Variants in PCDH9 observed in about 807,000 individuals in gnomAD.
PCDH9 encodes protocadherin-9.
PCDH9 carries 24 observed loss-of-function variants against 70.6 expected under a neutral mutation model. The observed-to-expected ratio is 0.34, with a 90% confidence interval of 0.25 to 0.48. The LOEUF (loss-of-function observed/expected upper bound fraction) is 0.48, where lower values mean the gene tolerates loss of function less well. Among genes scored for constraint, PCDH9 ranks in the 20% least tolerant of loss-of-function variants. The probability of loss-of-function intolerance (pLI) is 0.99; values close to 1 mark genes in which losing one functional copy is unlikely to be tolerated. For missense variants in PCDH9, 1,281 were observed against 1,503.6 expected (o/e 0.85, Z 2.45); for synonymous variants, 562 against 558.5 (o/e 1.01, Z -0.09).
At chr13:67,028,912 G>A (rs2084847589) in intron 2 of PCDH9, among the ~76,000 whole-genome samples, 3 of 152,082 alleles carry the variant, frequency 2.0e-5, no homozygotes. Flanking sequence ...TGCCAGAGTT[G>A]AATTGCACCA....
At chr13:66,785,611 T>C (rs2080067321) in intron 3 of PCDH9, among the ~76,000 whole-genome samples, 1 of 152,134 alleles carries the variant, frequency 6.6e-6, no homozygotes, top group Non-Finnish European at 1.5e-5. Flanking sequence ...ATTCTATGAG[T>C]AAGTCATAGG....
At chr13:66,778,942 A>C (rs959926888) in intron 3 of PCDH9, among the ~76,000 whole-genome samples, 1 of 152,224 alleles carries the variant, frequency 6.6e-6, no homozygotes, top group African/African-American at 2.4e-5. Context: ...TTTACAACAT[A>C]GGTAAATCAG....
At chr13:67,099,542 T>C (rs2086390273) in intron 2 of PCDH9, among the ~76,000 whole-genome samples, 1 of 152,130 alleles carries the variant, frequency 6.6e-6, no homozygotes, top group African/African-American at 2.4e-5. Context: ...AAGAAATAAC[T>C]TTTCCTAAAT....
chr13:67,129,139 T>C (rs551682386), intron 2 of PCDH9, among the ~76,000 whole-genome samples: 3 of 152,300 alleles, frequency 2.0e-5, no homozygotes, highest in African/African-American at 7.2e-5. Context: ...TTATGCTGAA[T>C]ATGTCTATGA....
At chr13:66,998,115 C>G (rs575739283) in intron 2 of PCDH9, among the ~76,000 whole-genome samples, 1 of 152,176 alleles carries the variant, frequency 6.6e-6, no homozygotes, top group Admixed American at 6.5e-5. Flanking sequence ...ATTGGACACC[C>G]ACTGGGGCCT....
chr13:66,749,338 A>T (rs146322742), intron 3 of PCDH9, among the ~76,000 whole-genome samples: 1 of 152,280 alleles, frequency 6.6e-6, no homozygotes, highest in East Asian at 1.9e-4. Flanking sequence ...ATCAAAATCC[A>T]TCTGCACCCT....
chr13:66,608,549 T>C (rs1324497789), intron 4 of PCDH9, among the ~76,000 whole-genome samples: 4 of 152,048 alleles, frequency 2.6e-5, no homozygotes, highest in African/African-American at 9.7e-5. Context: ...ACAAGTCGCA[T>C]CATTCACTCA....
intron 2 of PCDH9, among the ~76,000 whole-genome samples, chr13:66,999,222 A>C (rs2084187006): frequency 6.6e-6 from 1 of 152,166 alleles, no homozygotes; most frequent in Non-Finnish European, 1.5e-5. Context: ...TTAATATCTA[A>C]ATTCAATTAA....
At chr13:66,787,354 G>T (rs998819403) in intron 3 of PCDH9, among the ~76,000 whole-genome samples, 1 of 152,020 alleles carries the variant, frequency 6.6e-6, no homozygotes, top group African/African-American at 2.4e-5. Context: ...GGTGGCTCAC[G>T]CTTGTAATCA....
chr13:66,419,151 A>G (rs1250985312), intron 4 of PCDH9, among the ~76,000 whole-genome samples: 1 of 152,078 alleles, frequency 6.6e-6, no homozygotes, highest in Admixed American at 6.5e-5. Context: ...ATTGTTTGAA[A>G]CTATTCCAAA....
In PCDH9 at chr13:66,859,633, A is replaced by G. The variant is rs142401744; in HGVS notation, c.3138+43871T>C. Among the ~76,000 whole-genome samples the G allele has an allele frequency of 8.4e-4, 128 of 152,338 alleles. 1 individual carries two copies. The East Asian group carries it at 0.01, about 12-fold the overall frequency. On this transcript the variant is annotated intron_variant, in intron 3 of 4. Coordinates refer to ENST00000377865, the MANE Select transcript of PCDH9 (RefSeq NM_203487.3). ...AATACTGTTTCAGGTAAAGTAATAT[A>G]AAGTAACCAAAGTTAAATGAAGTAA...
At chr13:66,689,842 T>A (rs774033186) in intron 3 of PCDH9, among the ~76,000 whole-genome samples, 1 of 152,172 alleles carries the variant, frequency 6.6e-6, no homozygotes, top group Admixed American at 6.6e-5. Flanking sequence ...AACAGTACTA[T>A]CCACTTGAGA....
chr13:66,749,849 C>T (rs9529131), intron 3 of PCDH9, among the ~76,000 whole-genome samples: 12,093 of 152,178 alleles, frequency 0.079, 499 homozygotes, highest in East Asian at 0.13. Context: ...GACACTGCTC[C>T]ATCCCTTGCA....
intron 4 of PCDH9, among the ~76,000 whole-genome samples, chr13:66,346,403 G>A (rs930235364): frequency 2.0e-5 from 3 of 152,194 alleles, no homozygotes; most frequent in African/African-American, 7.2e-5. Flanking sequence ...GTGTGTGTGT[G>A]TGCACAGGCA....
At chr13:66,848,993 TACAGTA>T (rs1024182148) in intron 3 of PCDH9, among the ~76,000 whole-genome samples, 3 of 147,834 alleles carry the variant, frequency 2.0e-5, no homozygotes, top group Non-Finnish European at 3.0e-5. Flanking sequence ...ATAAAGAGCA[TACAGTA>T]ACTTCACTAC....
intron 4 of PCDH9, among the ~76,000 whole-genome samples, chr13:66,613,248 G>A (rs888367268): frequency 2.0e-5 from 3 of 152,228 alleles, no homozygotes; most frequent in Admixed American, 6.5e-5. Flanking sequence ...AGACTTCCCC[G>A]TCCCTGGCTA....
At chr13:66,988,984 ATATTCATGT>A (rs1483776431) in intron 2 of PCDH9, among the ~76,000 whole-genome samples, 1 of 151,936 alleles carries the variant, frequency 6.6e-6, no homozygotes, top group Non-Finnish European at 1.5e-5. Flanking sequence ...CATATTAGAG[ATATTCATGT>A]TATAGATACT....
chr13:66,824,571 C>T (rs977890047), intron 3 of PCDH9, among the ~76,000 whole-genome samples: 7 of 143,636 alleles, frequency 4.9e-5, no homozygotes, highest in Non-Finnish European at 9.1e-5. Context: ...AGGAGAATTG[C>T]TTGAACCCAG....
intron 3 of PCDH9, among the ~76,000 whole-genome samples, chr13:66,854,300 CCCTGA>C (rs2139462068): frequency 6.6e-6 from 1 of 152,180 alleles, no homozygotes; most frequent in Non-Finnish European, 1.5e-5. Flanking sequence ...AATATAAAGT[CCCTGA>C]CCTGACATTT....
Sources: allele counts gnomAD v4.1 joint callset (sites outside exome capture counted in the v4.1 genomes callset), GRCh38; gene constraint gnomAD v4.1.1; transcripts MANE v1.5; gene names NCBI Gene and HGNC (gene_info 2026-07-23, HGNC 2026-07-21).